The following MTUS2 variants were observed in gnomAD, a reference collection of about 807,000 sequenced individuals.
The protein encoded by MTUS2 is microtubule associated scaffold protein 2, also known as microtubule-associated tumor suppressor candidate 2.
In MTUS2, 40 loss-of-function variants were observed where a neutral mutation model predicts 114.1. The ratio of observed to expected loss-of-function variants is 0.35; its 90% CI spans 0.27 to 0.46. The LOEUF (loss-of-function observed/expected upper bound fraction) is 0.46, where lower values mean the gene tolerates loss of function less well. Ranked by LOEUF, MTUS2 falls within the 20% of genes least tolerant of loss-of-function variation. The pLI, the probability that MTUS2 is intolerant of heterozygous loss-of-function variation, is 1.00. For missense variants in MTUS2, 1,679 were observed against 1,705.4 expected, an observed-to-expected ratio of 0.98 and a Z score of 0.27; for synonymous variants, 688 against 672.0, an observed-to-expected ratio of 1.02 and a Z score of -0.37.
chr13:29,266,933 G>T (rs963844355), intron 5 of MTUS2, among the ~76,000 whole-genome samples: 1 of 152,196 alleles, frequency 6.6e-6, no homozygotes, highest in Non-Finnish European at 1.5e-5. Flanking sequence ...AGATGGGAAA[G>T]ATTCAGATAC....
intron 2 of MTUS2, among the ~76,000 whole-genome samples, chr13:28,914,134 A>G (rs1285777859): frequency 1.3e-5 from 2 of 151,346 alleles, no homozygotes; most frequent in Admixed American, 6.6e-5. Context: ...GATCTTGGTT[A>G]TTTCTTGTCT....
intron 5 of MTUS2, among the ~76,000 whole-genome samples, chr13:29,214,505 C>G (rs563858640): frequency 1.3e-5 from 2 of 152,226 alleles, no homozygotes; most frequent in African/African-American, 4.8e-5. Context: ...ACTGGTTGTT[C>G]CTTTCCGTGG....
intron 5 of MTUS2, among the ~76,000 whole-genome samples, chr13:29,161,163 C>A (rs769557761): frequency 6.6e-6 from 1 of 152,138 alleles, no homozygotes; most frequent in Non-Finnish European, 1.5e-5. Context: ...CGTGCACACA[C>A]GTGCATACAC....
At chr13:29,206,847 C>T (rs1895208379) in intron 5 of MTUS2, among the ~76,000 whole-genome samples, 1 of 152,044 alleles carries the variant, frequency 6.6e-6, no homozygotes, top group Admixed American at 6.6e-5. Flanking sequence ...AATGTGTTGC[C>T]TCCAGATTTG....
At chr13:29,336,834 C>T (rs1901089058) in intron 7 of MTUS2, among the ~76,000 whole-genome samples, 1 of 152,228 alleles carries the variant, frequency 6.6e-6, no homozygotes, top group Admixed American at 6.5e-5. Flanking sequence ...TTTCAGAATT[C>T]CCTGCCCAGA....
intron 2 of MTUS2, among the ~76,000 whole-genome samples, chr13:28,957,284 C>T (rs1012205801): frequency 7.9e-5 from 12 of 152,202 alleles, no homozygotes; most frequent in African/African-American, 2.9e-4. Flanking sequence ...CCAGTGATGA[C>T]ATTTGCCATT....
At chr13:29,373,457 T>C (rs1384380907) in intron 8 of MTUS2, among the ~76,000 whole-genome samples, 2 of 152,174 alleles carry the variant, frequency 1.3e-5, no homozygotes. Flanking sequence ...ATAGCAGATA[T>C]TGAGGCAAAG....
intron 5 of MTUS2, among the ~76,000 whole-genome samples, chr13:29,277,689 T>G (rs900288189): frequency 3.9e-5 from 6 of 152,218 alleles, no homozygotes; most frequent in African/African-American, 1.4e-4. Context: ...CAGCCTCCCT[T>G]GATGGCTTTT....
intron 5 of MTUS2, among the ~76,000 whole-genome samples, chr13:29,218,394 G>A (rs1895768687): frequency 6.6e-6 from 1 of 152,172 alleles, no homozygotes; most frequent in African/African-American, 2.4e-5. Context: ...TCCTCTATGT[G>A]GGTTGGAATC....
At chr13:28,928,501 A>T (rs1334317968) in intron 2 of MTUS2, among the ~76,000 whole-genome samples, 1 of 152,246 alleles carries the variant, frequency 6.6e-6, no homozygotes, top group Non-Finnish European at 1.5e-5. Context: ...ATATGAAAAA[A>T]TGCTCAACAT....
intron 2 of MTUS2, among the ~76,000 whole-genome samples, chr13:28,984,725 G>T (rs1028892746): frequency 6.6e-6 from 1 of 152,210 alleles, no homozygotes; most frequent in Non-Finnish European, 1.5e-5. Context: ...ATGAATTTGC[G>T]CTTCAGGTTT....
At chr13:29,442,145 C>A (rs1877932974) in intron 9 of MTUS2, among the ~76,000 whole-genome samples, 1 of 152,166 alleles carries the variant, frequency 6.6e-6, no homozygotes, top group Admixed American at 6.5e-5. Flanking sequence ...GAGGTAGAGA[C>A]CCTTGGAGAT....
chr13:28,877,289 G>C (rs2138123928), intron 2 of MTUS2, among the ~76,000 whole-genome samples: 1 of 149,496 alleles, frequency 6.7e-6, no homozygotes, highest in Admixed American at 6.7e-5. Context: ...CTGCACTCCA[G>C]CCTGGGCGAC....
chr13:29,003,145 T>C (rs1033122277), intron 2 of MTUS2, among the ~76,000 whole-genome samples: 2 of 152,258 alleles, frequency 1.3e-5, no homozygotes, highest in Non-Finnish European at 2.9e-5. Context: ...ATGGGACTTT[T>C]TTTGTTTTAA....
intron 2 of MTUS2, among the ~76,000 whole-genome samples, chr13:28,878,150 A>G (rs1484253009): frequency 6.6e-6 from 1 of 151,932 alleles, no homozygotes; most frequent in African/African-American, 2.4e-5. Flanking sequence ...ATTTGGTGAC[A>G]TTTCGTCTAA....
At chr13:28,838,193 G>A (rs921083286) in intron 1 of MTUS2, among the ~76,000 whole-genome samples, 1 of 152,192 alleles carries the variant, frequency 6.6e-6, no homozygotes, top group African/African-American at 2.4e-5. Context: ...GTAGGCTGCT[G>A]ATTTAATGGG....
At chr13:29,247,537 A>G (rs531517626) in intron 5 of MTUS2, among the ~76,000 whole-genome samples, 7 of 152,338 alleles carry the variant, frequency 4.6e-5, no homozygotes, top group African/African-American at 1.7e-4. Context: ...CAGAATCTAC[A>G]AGGGACTCAA....
intron 2 of MTUS2, among the ~76,000 whole-genome samples, chr13:28,941,711 G>T (rs1462086741): frequency 2.0e-5 from 3 of 150,398 alleles, no homozygotes; most frequent in African/African-American, 7.5e-5. Flanking sequence ...CAATCATTGT[G>T]AATATTCTTT....
intron 8 of MTUS2, among the ~76,000 whole-genome samples, chr13:29,424,941 GAAAATTTTTTTTTTAGAAACCAGC>G (rs1427945976): frequency 6.6e-6 from 1 of 151,974 alleles, no homozygotes; most frequent in African/African-American, 2.4e-5. Flanking sequence ...AAGAAACCAG[GAAAATTTTTTTTTTAGAAACCAGC>G]AAAATTTTTT....
Sources: allele counts gnomAD v4.1 joint callset (sites outside exome capture counted in the v4.1 genomes callset), GRCh38; gene constraint gnomAD v4.1.1; transcripts MANE v1.5; gene names NCBI Gene and HGNC (gene_info 2026-07-23, HGNC 2026-07-21).